The following MEGF10 variants were observed in gnomAD, a reference collection of about 807,000 sequenced individuals.
The protein encoded by MEGF10 is multiple EGF like domains 10, also known as multiple epidermal growth factor-like domains protein 10.
MEGF10 carries 86 observed loss-of-function variants against 147.5 expected under a neutral mutation model. The observed-to-expected ratio is 0.58, with a 90% CI of 0.49 to 0.70. The LOEUF is 0.70. Among genes scored for constraint, MEGF10 ranks in the 30% least tolerant of loss-of-function variants. The probability of loss-of-function intolerance (pLI) is 0.00; values close to 1 mark genes in which losing one functional copy is unlikely to be tolerated. For missense variants in MEGF10, 1,329 were observed against 1,487.3 expected, an observed-to-expected ratio of 0.89 and a Z score of 1.75; for synonymous variants, 478 against 525.5, an observed-to-expected ratio of 0.91 and a Z score of 1.24.
intron 1 of MEGF10, among the ~76,000 whole-genome samples, chr5:127,295,015 A>T (rs778004380): frequency 3.9e-5 from 6 of 152,054 alleles, no homozygotes; most frequent in Non-Finnish European, 5.9e-5. Flanking sequence ...AGAGCACTGG[A>T]AAGGAAGTGC....
At chr5:127,247,378 A>G in the MEGF10 span, among the ~76,000 whole-genome samples, 3,783 of 18,880 alleles carry the variant, frequency 0.2, 461 homozygotes, top group Middle Eastern at 0.26. Flanking sequence ...GAAGAAGAAG[A>G]AGAAGAAGAA....
At chr5:127,389,490 G>A (rs189601986) in intron 5 of MEGF10, among the ~76,000 whole-genome samples, 1 of 152,234 alleles carries the variant, frequency 6.6e-6, no homozygotes, top group East Asian at 1.9e-4. Flanking sequence ...TTGCAGCCCT[G>A]TTCACAATAG....
intron 1 of MEGF10, among the ~76,000 whole-genome samples, chr5:127,297,440 TA>T (rs1000374127): frequency 5.4e-5 from 8 of 147,952 alleles, no homozygotes; most frequent in Non-Finnish European, 1.0e-4. Context: ...CCTCAACAAT[TA>T]AAAAAAAAAC....
rs546149723 is a variant in MEGF10, at chr5:127,404,162, T to G, written c.917+1480T>G. 3.3e-5 allele frequency among the ~76,000 whole-genome samples: 5 copies of G among 151,948 alleles called. No homozygotes were observed. In the South Asian group the frequency reaches 1.0e-3, roughly 32 times the overall value. ...TAACTGGCTTGAGATTATATCTCAT[T>G]GCATATATAAATGCAAATCATTGTA... On this transcript the variant is annotated intron_variant, in intron 8 of 24. Coordinates refer to ENST00000503335, the MANE Select transcript of MEGF10 (RefSeq NM_001256545.2).
At chr5:127,452,680 C>T (rs578121591) in intron 22 of MEGF10, among the ~76,000 whole-genome samples, 1 of 152,282 alleles carries the variant, frequency 6.6e-6, no homozygotes, top group African/African-American at 2.4e-5. Flanking sequence ...CCAAACCCCC[C>T]ACCATAAATC....
Position 127,331,388 on chromosome 5 carries a change from A to G in MEGF10, c.80A>G (p.Asn27Ser). ...CHWIGTASPLNLEDPNVCSHW... is the reference protein window; with the variant it reads ...CHWIGTASPLSLEDPNVCSHW... Reference sequence around the variant, plus strand: ...TGGATTGGGACAGCATCACCTCTGAATCTTGAAGACCCTAATGTGTGTAGC... The same window carrying G: ...TGGATTGGGACAGCATCACCTCTGAGTCTTGAAGACCCTAATGTGTGTAGC... The change falls in exon 2 of 25, where the codon AAT (asparagine) becomes AGT (serine). Residue 27 changes from asparagine to serine, a missense_variant. By Grantham distance (46) the Asn-to-Ser change is conservative (BLOSUM62 1). Transcript: ENST00000503335. The G allele has an allele frequency of 6.2e-7, 1 of 1,612,828 alleles. No individual in the cohort carries two copies. The highest frequency in any genetic ancestry group is 1.1e-5 in the South Asian group (1 of 91,016).
chr5:127,303,523 T>C (rs1434066963), intron 1 of MEGF10, among the ~76,000 whole-genome samples: 1 of 152,162 alleles, frequency 6.6e-6, no homozygotes, highest in Non-Finnish European at 1.5e-5. Flanking sequence ...ACTATTGCAG[T>C]AATTTCACTA....
chr5:127,448,315 AAG>A (rs897325755), intron 21 of MEGF10, among the ~76,000 whole-genome samples: 1 of 152,194 alleles, frequency 6.6e-6, no homozygotes, highest in Non-Finnish European at 1.5e-5. Flanking sequence ...CCTATAAATC[AAG>A]AGTGATTATT....
chr5:127,316,961 G>A lies in MEGF10; in HGVS notation c.-18-14330G>A, dbSNP rs368050495. On this transcript the variant is annotated intron_variant, in intron 1 of 24. Coordinates refer to ENST00000503335, the MANE Select transcript of MEGF10 (RefSeq NM_001256545.2). ...AATTAAGTTGAGCAGATAGTTAAGG[G>A]CATTCCAAGAAGGAACAGCATGGGC... Among the ~76,000 whole-genome samples, 11 of 152,290 alleles carry A rather than the reference G, an allele frequency of 7.2e-5. 1 individual carries two copies. Among genetic ancestry groups the A allele is most frequent in the African/African-American group, 2.6e-4 (11 of 41,560 alleles).
intron 1 of MEGF10, among the ~76,000 whole-genome samples, chr5:127,296,327 G>A (rs1395005027): frequency 6.6e-6 from 1 of 152,140 alleles, no homozygotes; most frequent in South Asian, 2.1e-4. Context: ...CATTTCTAGT[G>A]ATTTCCTCTC....
intron 17 of MEGF10, among the ~76,000 whole-genome samples, chr5:127,439,496 C>T (rs1329765406): frequency 2.0e-5 from 3 of 152,080 alleles, no homozygotes; most frequent in Non-Finnish European, 4.4e-5. Flanking sequence ...TAATGTAGAC[C>T]TTGAACCAAG....
At chr5:127,333,078 G>C (rs142732871) in intron 2 of MEGF10, among the ~76,000 whole-genome samples, 2,724 of 152,206 alleles carry the variant, frequency 0.018, 139 homozygotes, top group Admixed American at 0.11. Flanking sequence ...TGAAAGGGAA[G>C]GGGTTAGTGT....
chr5:127,266,037 G>GT, the MEGF10 span, among the ~76,000 whole-genome samples: 1 of 152,000 alleles, frequency 6.6e-6, no homozygotes, highest in Non-Finnish European at 1.5e-5. Context: ...TTTCTTCTAG[G>GT]TTTTTTATGG....
upstream of MEGF10, among the ~76,000 whole-genome samples, chr5:127,287,516 T>C (rs1580662985): frequency 6.6e-6 from 1 of 151,978 alleles, no homozygotes; most frequent in East Asian, 1.9e-4. Flanking sequence ...TACTTAGGGA[T>C]TCATTTTTTA....
chr5:127,292,401 G>C (rs780693968), intron 1 of MEGF10, among the ~76,000 whole-genome samples: 2 of 152,204 alleles, frequency 1.3e-5, no homozygotes, highest in Non-Finnish European at 2.9e-5. Context: ...ACACATAGTA[G>C]GCACAAATTA....
chr5:127,452,482 A>G (rs1487687418), intron 22 of MEGF10, among the ~76,000 whole-genome samples: 1 of 152,204 alleles, frequency 6.6e-6, no homozygotes, highest in Admixed American at 6.5e-5. Context: ...CTACAAGTTG[A>G]AAGATCACCA....
At chr5:127,301,026 G>A (rs897166772) in intron 1 of MEGF10, among the ~76,000 whole-genome samples, 12 of 152,204 alleles carry the variant, frequency 7.9e-5, no homozygotes, top group Admixed American at 3.3e-4. Context: ...GATTATGGAT[G>A]TTTTCCTGAA....
Position 127,455,533 on chromosome 5 carries a change from C to A in MEGF10, c.3158C>A (p.Ser1053Ter), listed in dbSNP as rs1394979668. ...GAGTGTGGTTATGTGGAGATGAAAT[C>A]GCCGGCACGAAGAGATTCCCCATAT... ...SSECGYVEMK[S>*]PARRDSPYAE... The change falls in exon 24 of 25, where the codon TCG (serine) becomes TAG (stop). Residue 1053 changes from serine to a stop codon, truncating the protein, a stop_gained. Transcript: ENST00000503335. LOFTEE classifies it high-confidence loss of function. The A allele has an allele frequency of 6.2e-7, 1 of 1,613,958 alleles. No individual in the cohort carries two copies. Among genetic ancestry groups the A allele is most frequent in the Non-Finnish European group, 8.5e-7 (1 of 1,180,006 alleles).
chr5:127,243,972 G>T, the MEGF10 span, among the ~76,000 whole-genome samples: 1 of 151,962 alleles, frequency 6.6e-6, no homozygotes, highest in African/African-American at 2.4e-5. Context: ...GGAGGCAGGC[G>T]GATCACCTGA....
Sources: gnomAD v4.1 joint callset for allele counts (sites outside exome capture counted in the v4.1 genomes callset) on GRCh38, gnomAD v4.1.1 for gene constraint, MANE v1.5 for transcripts, NCBI Gene and HGNC (gene_info 2026-07-23, HGNC 2026-07-21) for gene names.